The following TEX11 variants were observed in gnomAD, a reference collection of about 807,000 sequenced individuals.
TEX11 encodes testis expressed 11.
A neutral mutation model predicts 84.4 loss-of-function variants in TEX11; 7 were observed. The observed-to-expected ratio is 0.08, with a 90% confidence interval of 0.05 to 0.16. The LOEUF is 0.16. Among genes scored for constraint, TEX11 ranks in the 10% least tolerant of loss-of-function variants. The pLI is 1.00. For synonymous variants in TEX11, 264 were observed against 222.8 expected (o/e 1.18, Z -1.64); for missense variants, 551 against 660.5 (o/e 0.83, Z 1.82).
intron 11 of TEX11, among the ~76,000 whole-genome samples, chrX:70,730,821 A>G (rs1303299185): frequency 2.7e-5 from 3 of 111,612 alleles, no homozygotes; most frequent in African/African-American, 9.8e-5. Flanking sequence ...CATCTACAGA[A>G]CTCTCCAACC....
intron 4 of TEX11, among the ~76,000 whole-genome samples, chrX:70,864,755 A>G (rs772505735): frequency 5.1e-4 from 55 of 107,518 alleles, no homozygotes; most frequent in East Asian, 2.9e-3. Context: ...AAAAAAAAAA[A>G]AAAAGAAAAG....
chrX:70,591,289 G>A (rs952563920), intron 25 of TEX11, among the ~76,000 whole-genome samples: 1 of 110,542 alleles, frequency 9.0e-6, no homozygotes, highest in East Asian at 2.8e-4. Context: ...TATAGAGTGG[G>A]GAAAAAATCA....
At chrX:70,851,686 C>CACAT (rs2091509439) in intron 7 of TEX11, among the ~76,000 whole-genome samples, 1 of 109,908 alleles carries the variant, frequency 9.1e-6, no homozygotes, top group Non-Finnish European at 1.9e-5. Flanking sequence ...CACACACACA[C>CACAT]ACACACACAC....
At chrX:70,755,770 C>T (rs769207126) in intron 9 of TEX11, among the ~76,000 whole-genome samples, 9 of 112,242 alleles carry the variant, frequency 8.0e-5, no homozygotes, top group South Asian at 3.7e-4. Flanking sequence ...CCACGGAGGG[C>T]GAACCAAAGC....
intron 13 of TEX11, among the ~76,000 whole-genome samples, chrX:70,694,292 G>A (rs2090261631): frequency 9.0e-6 from 1 of 111,339 alleles, no homozygotes; most frequent in African/African-American, 3.3e-5. Context: ...ATCTGCCCAC[G>A]TTGGCCTCCC....
intron 9 of TEX11, among the ~76,000 whole-genome samples, chrX:70,780,300 G>T (rs745884375): frequency 1.8e-5 from 2 of 112,390 alleles, no homozygotes; most frequent in Non-Finnish European, 3.8e-5. Flanking sequence ...GACAAGACAA[G>T]AAAAACATTT....
At chrX:70,816,332 T>C (rs2091286117) in intron 8 of TEX11, among the ~76,000 whole-genome samples, 1 of 112,196 alleles carries the variant, frequency 8.9e-6, no homozygotes, top group African/African-American at 3.2e-5. Flanking sequence ...TAACAGGTAT[T>C]TTTAAAATTT....
At chrX:70,764,938 AGAG>A (rs1402552314) in intron 9 of TEX11, among the ~76,000 whole-genome samples, 1 of 111,550 alleles carries the variant, frequency 9.0e-6, no homozygotes. Context: ...TCTGAAAAAT[AGAG>A]GAGGAGGGAA....
intron 17 of TEX11, among the ~76,000 whole-genome samples, 192 bp from the exon 18 acceptor site, chrX:70,629,927 A>G (rs1216899988): frequency 8.9e-6 from 1 of 112,262 alleles, no homozygotes; most frequent in East Asian, 2.8e-4. Context: ...CAACTGAGCA[A>G]CTGCACATGC....
chrX:70,875,707 G>GCA (rs2091652527), intron 3 of TEX11, among the ~76,000 whole-genome samples: 1 of 110,936 alleles, frequency 9.0e-6, no homozygotes, highest in Non-Finnish European at 1.9e-5. Context: ...CCGAGATCGT[G>GCA]CCACTGCACT....
chrX:70,601,961 C>A (rs1179861568), intron 24 of TEX11, among the ~76,000 whole-genome samples: 1 of 111,133 alleles, frequency 9.0e-6, no homozygotes, highest in East Asian at 2.9e-4. Flanking sequence ...CGGCAACCAT[C>A]CGATTTCTCA....
chrX:70,759,743 A>G (rs1316565144), intron 9 of TEX11, among the ~76,000 whole-genome samples: 4 of 111,674 alleles, frequency 3.6e-5, no homozygotes, highest in Admixed American at 1.9e-4. Flanking sequence ...TATTCAACAT[A>G]ATGTTGGAAG....
chrX:70,774,273 TAA>T (rs1309488102), intron 9 of TEX11, among the ~76,000 whole-genome samples: 2 of 58,231 alleles, frequency 3.4e-5, no homozygotes, highest in African/African-American at 6.4e-5. Flanking sequence ...GCTAACATCA[TAA>T]AAAAAAAAAA....
intron 13 of TEX11, among the ~76,000 whole-genome samples, chrX:70,712,336 G>C (rs893190268): frequency 2.7e-5 from 3 of 111,568 alleles, no homozygotes; most frequent in African/African-American, 9.8e-5. Context: ...GAAAGTCACT[G>C]GTAGCTTGAT....
intron 9 of TEX11, among the ~76,000 whole-genome samples, chrX:70,769,298 A>G (rs942479557): frequency 9.0e-6 from 1 of 111,586 alleles, no homozygotes; most frequent in African/African-American, 3.2e-5. Context: ...TGCTTTCAAT[A>G]TATCAAAAAA....
rs535162419 is a variant in TEX11 at position 70,639,284 on chromosome X, G to A, written c.1484-9549C>T. Reference sequence around the variant, plus strand: ...GGAGGGTCCTACCCCACGGAGTCTCGCTGATTGCTAGCACAGCAGTCTGAG... The same window carrying A: ...GGAGGGTCCTACCCCACGGAGTCTCACTGATTGCTAGCACAGCAGTCTGAG... On this transcript the variant is annotated intron_variant, in intron 17 of 29. Transcript: ENST00000374333. 1.2e-4 allele frequency among the ~76,000 whole-genome samples: 13 copies of A among 111,822 alleles called. No individual in the cohort carries two copies. In the South Asian group the frequency reaches 3.4e-3, roughly 30 times the overall value.
chrX:70,732,652 G>A (rs1393437475), intron 11 of TEX11, among the ~76,000 whole-genome samples: 2 of 111,182 alleles, frequency 1.8e-5, no homozygotes, highest in East Asian at 2.8e-4. Context: ...AAATAAAAGA[G>A]GATACAAACA....
At chrX:70,602,111 G>A (rs930443096) in intron 24 of TEX11, among the ~76,000 whole-genome samples, 8 of 111,729 alleles carry the variant, frequency 7.2e-5, no homozygotes, top group Admixed American at 3.8e-4. Flanking sequence ...CAGTAGGGGC[G>A]GCCGGGCAGA....
At chrX:70,679,208 C>T (rs1454579908) in intron 14 of TEX11, among the ~76,000 whole-genome samples, 1 of 105,533 alleles carries the variant, frequency 9.5e-6, no homozygotes, top group African/African-American at 3.4e-5. Context: ...CCTGAGGTGC[C>T]GGGATTGCAG....
Sources: gnomAD v4.1 joint callset for allele counts (sites outside exome capture counted in the v4.1 genomes callset) on GRCh38, gnomAD v4.1.1 for gene constraint, MANE v1.5 for transcripts, NCBI Gene and HGNC (gene_info 2026-07-23, HGNC 2026-07-21) for gene names.